Variants in TNFRSF11A observed in about 807,000 individuals in gnomAD.
TNFRSF11A encodes tumor necrosis factor receptor superfamily member 11A.
TNFRSF11A carries 32 observed loss-of-function variants against 55.7 expected under a neutral mutation model. The ratio of observed to expected loss-of-function variants is 0.57; its 90% CI spans 0.43 to 0.77. TNFRSF11A has a LOEUF of 0.77. Among genes scored for constraint, TNFRSF11A ranks in the 30% least tolerant of loss-of-function variants. The probability of loss-of-function intolerance (pLI) is 0.00; values close to 1 mark genes in which losing one functional copy is unlikely to be tolerated. For missense variants in TNFRSF11A, 753 were observed against 809.8 expected (o/e 0.93, Z 0.85); for synonymous variants, 311 against 331.0 (o/e 0.94, Z 0.65).
intron 7 of TNFRSF11A, 68 bp from the exon 8 acceptor site, chr18:62,366,640 C>G: frequency 1.3e-6 from 2 of 1,508,402 alleles, no homozygotes; most frequent in East Asian, 4.5e-5. Context: ...ACATAATAAC[C>G]TTTATTTAAA....
At chr18:62,374,360 T>C (rs1038751989) in intron 9 of TNFRSF11A, among the ~76,000 whole-genome samples, 1 of 152,220 alleles carries the variant, frequency 6.6e-6, no homozygotes, top group Admixed American at 6.5e-5. Flanking sequence ...CATACCCAGT[T>C]TCTTCTAAAT....
At chr18:62,336,733 C>T (rs1465353421) in intron 1 of TNFRSF11A, 2 of 152,244 alleles carry the variant, frequency 1.3e-5, no homozygotes, top group Non-Finnish European at 2.9e-5. Flanking sequence ...ATTGAGGAAA[C>T]AACCGGCCTT....
chr18:62,352,339 TC>T (rs1396149879), intron 3 of TNFRSF11A, among the ~76,000 whole-genome samples: 1 of 152,214 alleles, frequency 6.6e-6, no homozygotes, highest in Non-Finnish European at 1.5e-5. Flanking sequence ...AGAAGTTTTT[TC>T]CCCAATGGAC....
intron 9 of TNFRSF11A, among the ~76,000 whole-genome samples, chr18:62,378,380 CAT>C (rs1486313805): frequency 1.3e-5 from 2 of 152,172 alleles, no homozygotes; most frequent in African/African-American, 4.8e-5. Flanking sequence ...CGAAGACAAT[CAT>C]ATGATTGAGG....
At chr18:62,331,903 C>T (rs1318015938) in intron 1 of TNFRSF11A, among the ~76,000 whole-genome samples, 4 of 152,204 alleles carry the variant, frequency 2.6e-5, no homozygotes, top group South Asian at 2.1e-4. Context: ...CACGGAGGCC[C>T]GTCTGGCACC....
intron 4 of TNFRSF11A, 74 bp downstream of exon 4, chr18:62,354,608 TAGC>T: frequency 6.3e-7 from 1 of 1,591,510 alleles, no homozygotes; most frequent in South Asian, 1.1e-5. Flanking sequence ...GTCTTGATAA[TAGC>T]AGCAAGAAAG....
At chr18:62,380,706 G>A (rs1167833802) in intron 9 of TNFRSF11A, among the ~76,000 whole-genome samples, 1 of 152,058 alleles carries the variant, frequency 6.6e-6, no homozygotes, top group Non-Finnish European at 1.5e-5. Context: ...AAAGTACTGG[G>A]ATTACAGGCG....
chr18:62,333,555 C>T (rs538913517), intron 1 of TNFRSF11A, among the ~76,000 whole-genome samples: 39 of 152,310 alleles, frequency 2.6e-4, no homozygotes, highest in Middle Eastern at 3.4e-3. Flanking sequence ...ATGCTCACTC[C>T]ACCTTGCTAG....
At position 62,384,892 on chromosome 18, in the gene TNFRSF11A, T is replaced by G. The variant is rs754328554; in HGVS notation, c.1709T>G (p.Val570Gly). Residue 570 changes from valine to glycine, a missense_variant, in exon 10 of 10, where the codon GTG (valine) becomes GGG (glycine). Val to Gly is a moderately radical substitution (Grantham distance 109). Coordinates refer to ENST00000586569, the MANE Select transcript of TNFRSF11A (RefSeq NM_003839.4). ...AAAAEPMGRP[V>G]QEETLARRDS... The stretch of plus-strand genomic sequence containing the variant: ...GCTGCGGAGCCCATGGGCCGCCCGG[T>G]GCAGGAGGAGACCCTGGCGCGCCGA... 3.2e-6 allele frequency: 5 copies of G among 1,587,104 alleles called. No homozygotes were observed. The highest frequency in any genetic ancestry group is 1.7e-6 in the Non-Finnish European group (2 of 1,167,136).
chr18:62,368,215 T>A (rs902787402), intron 8 of TNFRSF11A, among the ~76,000 whole-genome samples: 3 of 152,252 alleles, frequency 2.0e-5, no homozygotes, highest in African/African-American at 7.2e-5. Flanking sequence ...TATTTGAATC[T>A]TTCTTTCCCC....
chr18:62,369,219 G>T lies in TNFRSF11A; in HGVS notation c.1302G>T (p.Trp434Cys). The change falls in exon 9 of 10, where the codon TGG becomes TGT. Residue 434 changes from tryptophan to cysteine, a missense_variant. By Grantham distance (215) the Trp-to-Cys change is radical. Around this residue, in one of 3 missense-constraint regions of TNFRSF11A, gnomAD observed 567 missense variants for 596.7 expected, o/e 0.95. Transcript: ENST00000586569. Reference sequence around the variant, plus strand: ...TGGACAGTGGCCATTGCCCGCACTGGGCAGCCAGCCCCAGCCCCAACTGGG... The same window carrying T: ...TGGACAGTGGCCATTGCCCGCACTGTGCAGCCAGCCCCAGCCCCAACTGGG... ...KEVDSGHCPH[W>C]AASPSPNWAD... The T allele has an allele frequency of 6.2e-7, 1 of 1,613,786 alleles. No homozygotes were observed.
At chr18:62,369,552 G>A (rs1189906229) in intron 9 of TNFRSF11A, 68 bp downstream of exon 9, 1 of 1,579,208 alleles carries the variant, frequency 6.3e-7, no homozygotes, top group African/African-American at 1.3e-5. Context: ...TTTGGGGGCA[G>A]GTATTACCAT....
intron 1 of TNFRSF11A, among the ~76,000 whole-genome samples, chr18:62,331,497 G>A (rs2046153392): frequency 1.3e-5 from 2 of 152,164 alleles, no homozygotes; most frequent in South Asian, 2.1e-4. Context: ...TAAAAGCCCC[G>A]TGGCATTGTG....
chr18:62,376,884 C>T (rs1910934781), intron 9 of TNFRSF11A, among the ~76,000 whole-genome samples: 1 of 152,148 alleles, frequency 6.6e-6, no homozygotes, highest in African/African-American at 2.4e-5. Context: ...ATCTAAGTTT[C>T]CTCCATGTCT....
chr18:62,384,905 C>A lies in TNFRSF11A; in HGVS notation c.1722C>A (p.Thr574=). 2 of 1,571,950 alleles carry A rather than the reference C, an allele frequency of 1.3e-6. No individual in the cohort carries two copies. Among genetic ancestry groups the A allele is most frequent in the Non-Finnish European group, 1.7e-6 (2 of 1,159,548 alleles). The change falls in exon 10 of 10, where the codon ACC becomes ACA. Residue 574 remains threonine (T), a synonymous_variant. Transcript: ENST00000586569. ...EPMGRPVQEE[T]LARRDSFAGN... ...TGGGCCGCCCGGTGCAGGAGGAGAC[C>A]CTGGCGCGCCGAGACTCCTTCGCGG...
At chr18:62,327,040 GC>G (rs61573709) in intron 1 of TNFRSF11A, among the ~76,000 whole-genome samples, 42,126 of 151,918 alleles carry the variant, frequency 0.28, 6,169 homozygotes, top group African/African-American at 0.34. Context: ...AGATTTTGGG[GC>G]GGGTTTGGGG....
intron 4 of TNFRSF11A, chr18:62,357,960 C>A: frequency 2.4e-6 from 1 of 419,170 alleles, no homozygotes; most frequent in Non-Finnish European, 4.5e-6. Context: ...CCAGAGCTAG[C>A]CTGACCTGGA....
Position 62,385,312 on chromosome 18 carries a change from T to G in TNFRSF11A, c.*278T>G. 9.9e-6 allele frequency: 3 copies of G among 303,576 alleles called. No individual in the cohort carries two copies. The highest frequency in any genetic ancestry group is 7.1e-5 in the East Asian group (1 of 14,162). The allele number at this position is 303,576 out of a possible 1,614,324, so 18.8% of individuals were successfully genotyped here. On this transcript the variant is annotated 3_prime_UTR_variant, in exon 10 of 10. Transcript: ENST00000586569. ...CTCGCAGCAGTAATTTGTGGCACTATGACAGCTATTTTTATGACTATCCTG... is the reference window on the plus strand; with the variant it reads ...CTCGCAGCAGTAATTTGTGGCACTAGGACAGCTATTTTTATGACTATCCTG...
In TNFRSF11A at chr18:62,369,196, G is replaced by A. The variant is rs201402594; in HGVS notation, c.1279G>A (p.Asp427Asn). ...TGAAAACTACTTGCAAAAAGAGGTG[G>A]ACAGTGGCCATTGCCCGCACTGGGC... ...SSENYLQKEV[D>N]SGHCPHWAAS... Residue 427 changes from aspartate (D) to asparagine (N), a missense_variant, in exon 9 of 10, where the codon GAC becomes AAC. Coordinates refer to ENST00000586569, the MANE Select transcript of TNFRSF11A (RefSeq NM_003839.4). 1,558 of 1,614,022 alleles carry A rather than the reference G, an allele frequency of 9.7e-4. 2 individuals carry two copies. Among genetic ancestry groups the A allele is most frequent in the Non-Finnish European group, 1.2e-3 (1,388 of 1,180,044 alleles).
Sources: allele counts gnomAD v4.1 joint callset (sites outside exome capture counted in the v4.1 genomes callset), GRCh38; gene constraint gnomAD v4.1.1; regional missense constraint gnomAD v4.1.1; transcripts MANE v1.5; gene names NCBI Gene and HGNC (gene_info 2026-07-23, HGNC 2026-07-21).